EPHB2: variants seen among roughly 807,000 people sequenced by gnomAD.
EPHB2 encodes EPH receptor B2, also known as ephrin type-B receptor 2.
In EPHB2, 18 loss-of-function variants were observed where a neutral mutation model predicts 96.4. The observed-to-expected ratio is 0.19, with a 90% CI of 0.13 to 0.28. The LOEUF (loss-of-function observed/expected upper bound fraction) is 0.28. Among genes scored for constraint, EPHB2 ranks in the 10% least tolerant of loss-of-function variants. The pLI, the probability that EPHB2 is intolerant of heterozygous loss-of-function variation, is 1.00. For synonymous variants in EPHB2, 506 were observed against 534.1 expected, an observed-to-expected ratio of 0.95 and a Z score of 0.72; for missense variants, 989 against 1,355.4, an observed-to-expected ratio of 0.73 and a Z score of 4.25.
At chr1:22,832,216 T>C (rs1645314761) in intron 3 of EPHB2, among the ~76,000 whole-genome samples, 1 of 152,126 alleles carries the variant, frequency 6.6e-6, no homozygotes, top group African/African-American at 2.4e-5. Flanking sequence ...ACTCTGTGCC[T>C]GCCCAGCCCT....
At chr1:22,879,194 G>A (rs894016172) in intron 5 of EPHB2, among the ~76,000 whole-genome samples, 4 of 86,690 alleles carry the variant, frequency 4.6e-5, no homozygotes, top group East Asian at 4.3e-4. Flanking sequence ...GCACCCTGTC[G>A]CACCCCCACC....
intron 1 of EPHB2, among the ~76,000 whole-genome samples, chr1:22,768,662 C>T (rs1373119909): frequency 6.6e-6 from 1 of 151,532 alleles, no homozygotes; most frequent in Non-Finnish European, 1.5e-5. Flanking sequence ...TGCACTCTGG[C>T]CTAGGTAACA....
chr1:22,729,250 A>C (rs1315185033), intron 1 of EPHB2, among the ~76,000 whole-genome samples: 2 of 152,296 alleles, frequency 1.3e-5, no homozygotes, highest in African/African-American at 4.8e-5. Context: ...GGACATTCTC[A>C]CCTGGGCATG....
At position 22,856,545 on chromosome 1, in the gene EPHB2, ACACT is replaced by A. The variant is rs1037390860; in HGVS notation, c.812-6488_812-6485del. ...CCTGACAAGATGGTGTCCAGCTGTG[ACACT>A]CACCACTCACTAATTTCTGGGACCA... is the stretch of plus-strand genomic sequence containing the variant. On this transcript the variant is annotated intron_variant, in intron 3 of 15. Coordinates refer to ENST00000374630, the MANE Select transcript of EPHB2 (RefSeq NM_017449.5). Among the ~76,000 whole-genome samples the A allele has an allele frequency of 1.7e-3, 256 of 152,270 alleles. 1 individual carries two copies. The highest frequency in any genetic ancestry group is 1.6e-3 in the Non-Finnish European group (110 of 68,006).
intron 3 of EPHB2, among the ~76,000 whole-genome samples, chr1:22,853,161 T>C (rs1645648695): frequency 6.6e-6 from 1 of 152,208 alleles, no homozygotes. Context: ...CCATCCTGGC[T>C]AACACAGTGA....
chr1:22,734,539 A>G (rs1643784394), intron 1 of EPHB2, among the ~76,000 whole-genome samples: 1 of 150,960 alleles, frequency 6.6e-6, no homozygotes, highest in Non-Finnish European at 1.5e-5. Context: ...CTTGTGCCTC[A>G]GCCTCCCGAA....
chr1:22,744,994 C>T (rs1191209164), intron 1 of EPHB2, among the ~76,000 whole-genome samples: 1 of 152,232 alleles, frequency 6.6e-6, no homozygotes, highest in African/African-American at 2.4e-5. Flanking sequence ...GTTGGTCTTG[C>T]TGTCTCGAGT....
chr1:22,815,776 G>A (rs1453969883), intron 3 of EPHB2, among the ~76,000 whole-genome samples: 1 of 152,202 alleles, frequency 6.6e-6, no homozygotes, highest in Admixed American at 6.5e-5. Flanking sequence ...TGCAGGCCCT[G>A]GGCGAAGGTC....
chr1:22,728,657 C>G (rs1435473520), intron 1 of EPHB2, among the ~76,000 whole-genome samples: 1 of 152,242 alleles, frequency 6.6e-6, no homozygotes, highest in Non-Finnish European at 1.5e-5. Flanking sequence ...GGCCTCTGAC[C>G]TTTTCACGGT....
At chr1:22,793,668 C>T (rs1644728032) in intron 3 of EPHB2, among the ~76,000 whole-genome samples, 1 of 152,010 alleles carries the variant, frequency 6.6e-6, no homozygotes, top group Non-Finnish European at 1.5e-5. Context: ...GAGGGTAGTC[C>T]TGAGAGGCCT....
At chr1:22,757,616 C>G (rs968359622) in intron 1 of EPHB2, among the ~76,000 whole-genome samples, 2 of 152,138 alleles carry the variant, frequency 1.3e-5, no homozygotes, top group Admixed American at 6.5e-5. Flanking sequence ...AATCTCAACA[C>G]TTTGGGAGGC....
chr1:22,866,245 G>A (rs933633367), intron 5 of EPHB2, among the ~76,000 whole-genome samples: 1 of 152,124 alleles, frequency 6.6e-6, no homozygotes, highest in African/African-American at 2.4e-5. Flanking sequence ...GCATGGTCAG[G>A]GCCATGTCCA....
chr1:22,788,975 G>C (rs1008682282), intron 3 of EPHB2, among the ~76,000 whole-genome samples: 1 of 152,080 alleles, frequency 6.6e-6, no homozygotes, highest in Non-Finnish European at 1.5e-5. Context: ...GGCTGGTCTC[G>C]AACTCCTGGA....
rs533673969 is a variant in EPHB2 at position 22,744,710 on chromosome 1, G to T, written c.61+33667G>T. On this transcript the variant is annotated intron_variant, in intron 1 of 15. Coordinates refer to ENST00000374630, the MANE Select transcript of EPHB2 (RefSeq NM_017449.5). ...AAAAAAAAAAAAAAGGAAAGCATAG[G>T]CCAGGCATGGTGGCATGCACTTGTA... Among the ~76,000 whole-genome samples, 157 of 145,400 alleles carry T rather than the reference G, an allele frequency of 1.1e-3. 2 individuals are homozygous for T. Among genetic ancestry groups the T allele is most frequent in the African/African-American group, 3.6e-3 (142 of 39,556 alleles).
chr1:22,879,384 C>T (rs1055212267), intron 5 of EPHB2, among the ~76,000 whole-genome samples: 6 of 152,198 alleles, frequency 3.9e-5, no homozygotes, highest in African/African-American at 1.2e-4. Context: ...ACTGGGACAC[C>T]GACCACTGAC....
chr1:22,835,470 GCACA>G (rs1410632483), intron 3 of EPHB2, among the ~76,000 whole-genome samples: 1 of 152,148 alleles, frequency 6.6e-6, no homozygotes, highest in Non-Finnish European at 1.5e-5. Context: ...ACACAGACAT[GCACA>G]TATGTTTGCA....
chr1:22,844,703 T>A (rs1052185382), intron 3 of EPHB2, among the ~76,000 whole-genome samples: 1 of 152,180 alleles, frequency 6.6e-6, no homozygotes, highest in Non-Finnish European at 1.5e-5. Flanking sequence ...AGCACAGCAC[T>A]GTTTCTCTGA....
intron 3 of EPHB2, among the ~76,000 whole-genome samples, chr1:22,825,549 A>T (rs1416814483): frequency 1.3e-5 from 2 of 152,152 alleles, no homozygotes; most frequent in Non-Finnish European, 2.9e-5. Context: ...CCTCACTCCC[A>T]TCCATAAGTT....
chr1:22,867,456 G>A lies in EPHB2; in HGVS notation c.1303+2244G>A, dbSNP rs567000929. Reference sequence around the variant, plus strand: ...GTTTGGGAATGTTGGTGGTGTTGCTGTGGCTGAGAGGGTATGTTTGTGACT... The same window carrying A: ...GTTTGGGAATGTTGGTGGTGTTGCTATGGCTGAGAGGGTATGTTTGTGACT... On this transcript the variant is annotated intron_variant, in intron 5 of 15. Coordinates refer to ENST00000374630, the MANE Select transcript of EPHB2 (RefSeq NM_017449.5). Among the ~76,000 whole-genome samples the A allele has an allele frequency of 3.3e-5, 5 of 152,292 alleles. No homozygotes were observed. The East Asian group carries it at 9.6e-4, about 29-fold the overall frequency.
Sources: allele counts gnomAD v4.1 joint callset (sites outside exome capture counted in the v4.1 genomes callset), GRCh38; gene constraint gnomAD v4.1.1; transcripts MANE v1.5; gene names NCBI Gene and HGNC (gene_info 2026-07-23, HGNC 2026-07-21).